The following ST6GALNAC3 variants were observed in gnomAD, a reference collection of about 807,000 sequenced individuals.
ST6GALNAC3 encodes the protein alpha-N-acetylgalactosaminide alpha-2,6-sialyltransferase 3.
In ST6GALNAC3, 25 loss-of-function variants were observed where a neutral mutation model predicts 32.7. The observed-to-expected ratio is 0.76, with a 90% CI of 0.56 to 1.07. The LOEUF (loss-of-function observed/expected upper bound fraction) is 1.07. Among genes scored for constraint, ST6GALNAC3 ranks in the 50% least tolerant of loss-of-function variants. ST6GALNAC3 has a pLI of 0.00. For synonymous variants in ST6GALNAC3, 129 were observed against 133.1 expected (o/e 0.97, Z 0.21); for missense variants, 355 against 382.4 (o/e 0.93, Z 0.60).
At chr1:76,541,394 C>T (rs1230379867) in intron 3 of ST6GALNAC3, among the ~76,000 whole-genome samples, 1 of 152,080 alleles carries the variant, frequency 6.6e-6, no homozygotes, top group Non-Finnish European at 1.5e-5. Context: ...AGGCTCAGCC[C>T]AAGTATCTGA....
chr1:76,276,779 G>A lies in ST6GALNAC3; in HGVS notation c.19-37026G>A, dbSNP rs147866499. On this transcript the variant is annotated intron_variant, in intron 1 of 4. Transcript: ENST00000328299. ...AAATAGAATAATATTTTCAATATAA[G>A]TAGAATATAAGAACTCCTGTTTTTC... 1.9e-3 allele frequency among the ~76,000 whole-genome samples: 293 copies of A among 152,236 alleles called. 3 individuals are homozygous for A. The highest frequency in any genetic ancestry group is 6.3e-3 in the African/African-American group (263 of 41,556).
intron 1 of ST6GALNAC3, among the ~76,000 whole-genome samples, chr1:76,226,785 A>G (rs939239235): frequency 5.9e-5 from 9 of 152,118 alleles, no homozygotes; most frequent in South Asian, 4.1e-4. Flanking sequence ...GGATGGTACT[A>G]AACTATTCAG....
chr1:76,423,114 C>G (rs549627109), intron 3 of ST6GALNAC3, among the ~76,000 whole-genome samples: 1 of 151,998 alleles, frequency 6.6e-6, no homozygotes, highest in African/African-American at 2.4e-5. Context: ...ATTACCCTGA[C>G]AGTGTATGAG....
rs985434484 is a variant in ST6GALNAC3 at position 76,141,545 on chromosome 1, A to T, written c.18+66661A>T. Among the ~76,000 whole-genome samples, 222 of 152,290 alleles carry T rather than the reference A, an allele frequency of 1.5e-3. 2 individuals carry two copies. Among genetic ancestry groups the T allele is most frequent in the African/African-American group, 4.9e-3 (202 of 41,562 alleles). On this transcript the variant is annotated intron_variant, in intron 1 of 4. Coordinates refer to ENST00000328299, the MANE Select transcript of ST6GALNAC3 (RefSeq NM_152996.4). ...AAAGATAGCATGTAGTTTTTTTTTA[A>T]AAAGTGAAAGACTAAAGCTTGCCTT...
At chr1:76,521,152 C>G (rs867378709) in intron 3 of ST6GALNAC3, among the ~76,000 whole-genome samples, 1 of 152,054 alleles carries the variant, frequency 6.6e-6, no homozygotes. Flanking sequence ...ACCTCTTCCA[C>G]AATAAGGATA....
intron 3 of ST6GALNAC3, among the ~76,000 whole-genome samples, chr1:76,484,265 A>T (rs1659945299): frequency 6.6e-6 from 1 of 152,094 alleles, no homozygotes; most frequent in African/African-American, 2.4e-5. Flanking sequence ...GAAGAAAGTC[A>T]TTTGTAGCTT....
intron 3 of ST6GALNAC3, chr1:76,577,390 C>T (rs1323281695): frequency 2.1e-6 from 2 of 938,578 alleles, no homozygotes; most frequent in East Asian, 1.2e-4. Context: ...GTGGAAATCG[C>T]TCTTGTGAAA....
At chr1:76,524,330 T>C (rs958794645) in intron 3 of ST6GALNAC3, among the ~76,000 whole-genome samples, 2 of 152,182 alleles carry the variant, frequency 1.3e-5, no homozygotes, top group African/African-American at 4.8e-5. Flanking sequence ...CATCTTGAAC[T>C]AGAACCCCCA....
intron 3 of ST6GALNAC3, among the ~76,000 whole-genome samples, chr1:76,417,060 A>T (rs1231532947): frequency 6.6e-6 from 1 of 152,140 alleles, no homozygotes; most frequent in East Asian, 1.9e-4. Context: ...TTTTTGAAGC[A>T]AATGGAATTT....
chr1:76,478,301 G>C (rs1659482756), intron 3 of ST6GALNAC3, among the ~76,000 whole-genome samples: 1 of 152,114 alleles, frequency 6.6e-6, no homozygotes. Context: ...TTATATTATG[G>C]CAGTCAAAGG....
intron 2 of ST6GALNAC3, among the ~76,000 whole-genome samples, chr1:76,395,624 G>A (rs1308561338): frequency 2.6e-5 from 4 of 151,888 alleles, no homozygotes; most frequent in Admixed American, 6.6e-5. Context: ...CACACACAGA[G>A]GAATATTATT....
At chr1:76,624,149 C>T (rs1045696820) in intron 3 of ST6GALNAC3, among the ~76,000 whole-genome samples, 1 of 152,024 alleles carries the variant, frequency 6.6e-6, no homozygotes, top group Non-Finnish European at 1.5e-5. Context: ...GTATGAGCCT[C>T]CCCCATCTGA....
At chr1:76,582,562 C>A (rs1646906750) in intron 3 of ST6GALNAC3, among the ~76,000 whole-genome samples, 1 of 152,326 alleles carries the variant, frequency 6.6e-6, no homozygotes, top group African/African-American at 2.4e-5. Flanking sequence ...TAAACCACCA[C>A]ACCACTCAAT....
At chr1:76,530,261 C>T (rs532174393) in intron 3 of ST6GALNAC3, among the ~76,000 whole-genome samples, 35 of 152,276 alleles carry the variant, frequency 2.3e-4, no homozygotes, top group African/African-American at 7.7e-4. Context: ...GGTACAGGGG[C>T]GGACAAAACT....
rs576258530 is a variant in ST6GALNAC3 at position 76,474,556 on chromosome 1, C to G, written c.623+62139C>G. ...GTTATTTCTTGATGTGATACCACAA[C>G]TTCTATGTAAAACACTCCTAAGCAG... On this transcript the variant is annotated intron_variant, in intron 3 of 4. Coordinates refer to ENST00000328299, the MANE Select transcript of ST6GALNAC3 (RefSeq NM_152996.4). 8.5e-5 allele frequency among the ~76,000 whole-genome samples: 13 copies of G among 152,246 alleles called. No individual in the cohort carries two copies. The South Asian group carries it at 2.7e-3, about 32-fold the overall frequency.
intron 1 of ST6GALNAC3, among the ~76,000 whole-genome samples, chr1:76,140,196 C>G (rs1277244233): frequency 6.6e-6 from 1 of 152,172 alleles, no homozygotes; most frequent in African/African-American, 2.4e-5. Context: ...TAATCCAATG[C>G]TCCGTGGAAG....
At chr1:76,132,453 G>A (rs1021766596) in intron 1 of ST6GALNAC3, among the ~76,000 whole-genome samples, 1 of 152,138 alleles carries the variant, frequency 6.6e-6, no homozygotes, top group Non-Finnish European at 1.5e-5. Flanking sequence ...GTCTGCATGA[G>A]GTCCTTCATC....
At chr1:76,606,655 C>A (rs192908706) in intron 3 of ST6GALNAC3, among the ~76,000 whole-genome samples, 5 of 151,650 alleles carry the variant, frequency 3.3e-5, no homozygotes, top group Admixed American at 6.6e-5. Context: ...GTATAGTAAA[C>A]CCCCATGGCA....
intron 3 of ST6GALNAC3, among the ~76,000 whole-genome samples, chr1:76,493,652 A>G: frequency 6.6e-6 from 1 of 152,164 alleles, no homozygotes; most frequent in Non-Finnish European, 1.5e-5. Context: ...TCTCCCCAGA[A>G]TAAAAGAGAG....
Sources: allele counts gnomAD v4.1 joint callset (sites outside exome capture counted in the v4.1 genomes callset), GRCh38; gene constraint gnomAD v4.1.1; transcripts MANE v1.5; gene names NCBI Gene and HGNC (gene_info 2026-07-23, HGNC 2026-07-21).